Variants in RNF38 observed in about 807,000 individuals in gnomAD.
The protein encoded by RNF38 is E3 ubiquitin-protein ligase RNF38.
RNF38 carries 15 observed loss-of-function variants against 67.2 expected under a neutral mutation model. The ratio of observed to expected loss-of-function variants is 0.22; its 90% CI spans 0.15 to 0.34. RNF38 has a LOEUF of 0.34. RNF38 is among the 10% of genes least tolerant of loss of function. The pLI is 1.00. For synonymous variants in RNF38, 220 were observed against 218.8 expected (o/e 1.01, Z -0.05); for missense variants, 524 against 639.9 (o/e 0.82, Z 1.95).
At chr9:36,481,016 CTTTTTTT>C (rs1160092271) in intron 1 of RNF38, among the ~76,000 whole-genome samples, 1 of 136,194 alleles carries the variant, frequency 7.3e-6, no homozygotes, top group Non-Finnish European at 1.6e-5. Flanking sequence ...TCTTCTCTTT[CTTTTTTT>C]TTTTTTTTTG....
intron 2 of RNF38, among the ~76,000 whole-genome samples, chr9:36,386,531 C>CA (rs1342930899): frequency 2.6e-5 from 4 of 152,182 alleles, no homozygotes; most frequent in African/African-American, 9.7e-5. Flanking sequence ...AGAGTGCCTC[C>CA]ATACTAAACA....
rs1276073740 is a variant in RNF38 at position 36,351,127 on chromosome 9, T to C, written c.1251A>G (p.Val417=). 6 of 1,610,272 alleles carry C rather than the reference T, an allele frequency of 3.7e-6. No individual in the cohort carries two copies. Among genetic ancestry groups the C allele is most frequent in the Non-Finnish European group, 5.1e-6 (6 of 1,177,082 alleles). ...SFELDVEDGE[V]ENYEALLNLA... ...TTCATCTACTAACCTCGTAATTTTC[T>C]ACTTCTCCATCTTCTACATCTAATT... The change falls in exon 9 of 12, where the codon GTA becomes GTG. Residue 417 remains valine (V), a synonymous_variant. Coordinates refer to ENST00000259605, the MANE Select transcript of RNF38 (RefSeq NM_022781.5).
chr9:36,387,947 G>C (rs1836769613), intron 2 of RNF38, among the ~76,000 whole-genome samples: 1 of 152,042 alleles, frequency 6.6e-6, no homozygotes, highest in Non-Finnish European at 1.5e-5. Context: ...ACAAGCTGCA[G>C]TATAGTCATA....
At chr9:36,409,273 GGAAA>G (rs1006492893) in intron 2 of RNF38, among the ~76,000 whole-genome samples, 28 of 124,910 alleles carry the variant, frequency 2.2e-4, no homozygotes, top group East Asian at 6.6e-4. Context: ...AAGGAAAGAA[GGAAA>G]GAAAGAAAGA....
In RNF38 at chr9:36,400,162, T is replaced by TC; in HGVS notation, c.-55dup. The TC allele has an allele frequency of 6.2e-7, 1 of 1,601,772 alleles. No individual in the cohort carries two copies. Among genetic ancestry groups the TC allele is most frequent in the South Asian group, 1.1e-5 (1 of 89,900 alleles). On this transcript the variant is annotated 5_prime_UTR_variant, in exon 1 of 12. Coordinates refer to ENST00000259605, the MANE Select transcript of RNF38 (RefSeq NM_022781.5). ...TTTGGACCTCAATAACCTGAAACAC[T>TC]CCCGTTTCAAAAACCAACCTCTCTC...
At position 36,339,606 on chromosome 9, in the gene RNF38, T is replaced by C. The variant is rs1486552079; in HGVS notation, c.*146A>G. ...GAAGACTAATTGTAAGCTTTTATAGTTGATTAAGTCACACAGTGCAAAGAA... is the reference window on the plus strand; with the variant it reads ...GAAGACTAATTGTAAGCTTTTATAGCTGATTAAGTCACACAGTGCAAAGAA... On this transcript the variant is annotated 3_prime_UTR_variant, in exon 12 of 12. Coordinates refer to ENST00000259605, the MANE Select transcript of RNF38 (RefSeq NM_022781.5). The C allele has an allele frequency of 1.6e-6, 1 of 618,608 alleles. No individual in the cohort carries two copies. Among genetic ancestry groups the C allele is most frequent in the Non-Finnish European group, 2.9e-6 (1 of 342,462 alleles). 38.3% of individuals were successfully genotyped at this position (618,608 alleles called of 1,614,324 possible).
At chr9:36,347,142 G>T (rs893759161) in intron 9 of RNF38, among the ~76,000 whole-genome samples, 9 of 56,008 alleles carry the variant, frequency 1.6e-4, no homozygotes, top group South Asian at 7.5e-4. Context: ...GGGGGGGGGG[G>T]GGGGGGGAAG....
At chr9:36,387,674 T>C (rs1836749806) in intron 2 of RNF38, among the ~76,000 whole-genome samples, 1 of 152,184 alleles carries the variant, frequency 6.6e-6, no homozygotes, top group Non-Finnish European at 1.5e-5. Context: ...GTTTAAAATA[T>C]TGTATGAAGC....
chr9:36,457,737 G>A (rs554702585), intron 1 of RNF38, among the ~76,000 whole-genome samples: 157 of 151,964 alleles, frequency 1.0e-3, no homozygotes, highest in Middle Eastern at 3.4e-3. Context: ...GTGAAACCCC[G>A]TCTCTACTAA....
intron 4 of RNF38, among the ~76,000 whole-genome samples, chr9:36,367,269 G>A (rs1433981103): frequency 6.6e-6 from 1 of 151,998 alleles, no homozygotes; most frequent in African/African-American, 2.4e-5. Flanking sequence ...ATGCTTTCAG[G>A]ATACTTATTT....
intron 9 of RNF38, among the ~76,000 whole-genome samples, chr9:36,348,642 G>C (rs1258487081): frequency 6.6e-6 from 1 of 152,198 alleles, no homozygotes; most frequent in East Asian, 1.9e-4. Flanking sequence ...TCCAGAACAA[G>C]GTCCTTTAAT....
At chr9:36,375,052 T>G (rs1835685206) in intron 3 of RNF38, among the ~76,000 whole-genome samples, 1 of 152,152 alleles carries the variant, frequency 6.6e-6, no homozygotes. Context: ...ATGAAATACA[T>G]GACCTCTGGC....
Position 36,360,392 on chromosome 9 carries a change from A to G in RNF38, c.571-2450T>C, listed in dbSNP as rs983216804. On this transcript the variant is annotated intron_variant, in intron 4 of 11. Coordinates refer to ENST00000259605, the MANE Select transcript of RNF38 (RefSeq NM_022781.5). ...TAAAAAACTTAGAATCTCCTTTCCT[A>G]GGTATACAACTACAGGATGAGCATC... 2.6e-5 allele frequency among the ~76,000 whole-genome samples: 4 copies of G among 152,192 alleles called. No homozygotes were observed. In the East Asian group the frequency reaches 7.7e-4, roughly 29 times the overall value.
intron 10 of RNF38, 27 bp downstream of exon 10, chr9:36,344,805 G>T (rs758936975): frequency 6.2e-7 from 1 of 1,603,662 alleles, no homozygotes; most frequent in Admixed American, 1.7e-5. Flanking sequence ...AGGAAATTTA[G>T]CAGTGATGTC....
At chr9:36,405,483 C>T (rs566493386), upstream of RNF38, among the ~76,000 whole-genome samples, 32 of 152,186 alleles carry the variant, frequency 2.1e-4, no homozygotes, top group African/African-American at 7.5e-4. Context: ...GTGAGTTTAC[C>T]TGTAATTTTC....
chr9:36,425,503 G>C (rs954324593), intron 1 of RNF38, among the ~76,000 whole-genome samples: 2 of 152,138 alleles, frequency 1.3e-5, no homozygotes. Context: ...AGACCAAGCT[G>C]GCCAACATGG....
chr9:36,394,047 C>T (rs555979939), intron 1 of RNF38, among the ~76,000 whole-genome samples: 6 of 152,046 alleles, frequency 3.9e-5, no homozygotes, highest in Non-Finnish European at 5.9e-5. Flanking sequence ...GAGGCCGAGG[C>T]GGGCAGATCA....
At chr9:36,359,026 T>C (rs1055326411) in intron 4 of RNF38, among the ~76,000 whole-genome samples, 3 of 152,046 alleles carry the variant, frequency 2.0e-5, no homozygotes, top group African/African-American at 7.2e-5. Flanking sequence ...TCCTGTCTTA[T>C]GGGGCTGAAG....
chr9:36,375,965 G>A lies in RNF38; in HGVS notation c.325C>T (p.Arg109Ter). 1 of 1,612,794 alleles carries A rather than the reference G, an allele frequency of 6.2e-7. No homozygotes were observed. Among genetic ancestry groups the A allele is most frequent in the East Asian group, 2.2e-5 (1 of 44,804 alleles). The change falls in exon 3 of 12, where the codon CGA (arginine) becomes TGA (stop). Residue 109 changes from arginine (R) to a stop codon, truncating the protein, a stop_gained. Transcript: ENST00000259605. LOFTEE classifies it high-confidence loss of function. ...CTGTTGCGTGCAGGTGTGTTGCATC[G>A]TTCCCCTGAGAAGTGATGTTGGCTT... ...RPSQHHFSGE[R>*]CNTPARNRRS...
Sources: gnomAD v4.1 joint callset for allele counts (sites outside exome capture counted in the v4.1 genomes callset) on GRCh38, gnomAD v4.1.1 for gene constraint, MANE v1.5 for transcripts, NCBI Gene and HGNC (gene_info 2026-07-23, HGNC 2026-07-21) for gene names.